Variants in NARS1 observed in about 807,000 individuals in gnomAD.
NARS1 encodes the protein asparagine--tRNA ligase, cytoplasmic.
Under a neutral mutation model 79.2 loss-of-function variants are expected in NARS1, and 65 were observed. That is an observed-to-expected ratio of 0.82 (90% CI 0.67 to 1.01). The LOEUF (loss-of-function observed/expected upper bound fraction) is 1.01, where lower values mean the gene tolerates loss of function less well. Among genes scored for constraint, NARS1 ranks in the 50% least tolerant of loss-of-function variants. The probability of loss-of-function intolerance (pLI) is 0.00; values close to 1 mark genes in which losing one functional copy is unlikely to be tolerated. For missense variants in NARS1, 649 were observed against 673.8 expected (o/e 0.96, Z 0.41); for synonymous variants, 229 against 238.8 (o/e 0.96, Z 0.38).
chr18:57,610,744 G>A (rs1468191998), intron 6 of NARS1, among the ~76,000 whole-genome samples: 7 of 152,022 alleles, frequency 4.6e-5, no homozygotes, highest in Non-Finnish European at 7.4e-5. Flanking sequence ...AGAGGGGGCG[G>A]GTTGCAAAAG....
intron 11 of NARS1, among the ~76,000 whole-genome samples, chr18:57,603,925 T>C (rs2051531805): frequency 1.3e-5 from 2 of 149,462 alleles, no homozygotes; most frequent in Non-Finnish European, 3.0e-5. Context: ...GTATCCACTC[T>C]AGTGTCCTCA....
At chr18:57,602,266 A>G in intron 13 of NARS1, 89 bp downstream of exon 13, 1 of 1,238,834 alleles carries the variant, frequency 8.1e-7, no homozygotes, top group South Asian at 1.4e-5. Context: ...CCAAAGTACT[A>G]CCCTGAATTC....
chr18:57,613,761 TAGTA>T (rs1424443482), intron 4 of NARS1, 81 bp from the exon 5 acceptor site: 1 of 1,154,224 alleles, frequency 8.7e-7, no homozygotes, highest in Non-Finnish European at 1.3e-6. Context: ...AGGCAGACGG[TAGTA>T]AGTGTTAAAA....
At chr18:57,602,975 C>G in intron 11 of NARS1, 32 bp from the exon 12 acceptor site, 1 of 1,612,200 alleles carries the variant, frequency 6.2e-7, no homozygotes. Context: ...TTAACATTTA[C>G]AACTTGGATC....
At chr18:57,615,398 A>C (rs1218128576) in intron 4 of NARS1, among the ~76,000 whole-genome samples, 1 of 152,028 alleles carries the variant, frequency 6.6e-6, no homozygotes, top group Non-Finnish European at 1.5e-5. Context: ...GCTACTCGGG[A>C]GGCTGAGGCA....
At chr18:57,621,597 A>C in intron 1 of NARS1, 111 bp downstream of exon 1, 1 of 765,920 alleles carries the variant, frequency 1.3e-6, no homozygotes. Context: ...GTCCCCAAAC[A>C]TTCGCGGGGC....
chr18:57,621,146 A>ACCAGCT (rs11280782), intron 1 of NARS1, among the ~76,000 whole-genome samples: 14,618 of 152,072 alleles, frequency 0.096, 811 homozygotes, highest in Non-Finnish European at 0.13. Flanking sequence ...GCAAATAAAC[A>ACCAGCT]CCAGCTCCCT....
At chr18:57,618,782 G>A (rs1257591875) in intron 2 of NARS1, among the ~76,000 whole-genome samples, 2 of 152,032 alleles carry the variant, frequency 1.3e-5, no homozygotes, top group African/African-American at 4.8e-5. Context: ...TGCCCCTGTG[G>A]TCCGAGCTAC....
chr18:57,607,037 GGTTT>G lies in NARS1; in HGVS notation c.1001+93_1001+96del. 9 of 1,293,674 alleles carry G rather than the reference GGTTT, an allele frequency of 7.0e-6. No homozygotes were observed. In the South Asian group the frequency reaches 1.3e-4, roughly 19 times the overall value. 80.1% of individuals were successfully genotyped at this position (1,293,674 alleles called of 1,614,324 possible). On this transcript the variant is annotated intron_variant, in intron 9 of 13. Coordinates refer to ENST00000256854, the MANE Select transcript of NARS1 (RefSeq NM_004539.4). ...CCATTAACCACTTAATATATCAGTT[GGTTT>G]TTTTTAAAACATAAACATAATTTAC...
chr18:57,618,780 T>A lies in NARS1; in HGVS notation c.93+1789A>T, dbSNP rs145277419. Among the ~76,000 whole-genome samples the A allele has an allele frequency of 9.9e-3, 1,512 of 152,122 alleles. 24 individuals are homozygous for A. The highest frequency in any genetic ancestry group is 0.034 in the African/African-American group (1,424 of 41,476). On this transcript the variant is annotated intron_variant, in intron 2 of 13. Transcript: ENST00000256854. ...AACCGCGTGTGGTGACATGCCCCTG[T>A]GGTCCGAGCTACTTGGAAGGCTGAG...
intron 2 of NARS1, among the ~76,000 whole-genome samples, chr18:57,619,862 G>GT (rs1308131222): frequency 2.0e-5 from 3 of 151,792 alleles, no homozygotes. Context: ...TAATTTTTAT[G>GT]TTTTTTGTAG....
In NARS1 at chr18:57,606,633, C is replaced by T; in HGVS notation, c.1120G>A (p.Val374Met). Residue 374 changes from valine (V) to methionine (M), a missense_variant, in exon 10 of 14, where the codon GTG becomes ATG. Val to Met is a conservative substitution (Grantham distance 21). Coordinates refer to ENST00000256854, the MANE Select transcript of NARS1 (RefSeq NM_004539.4). Reference protein sequence around the residue: ...RILKSPAGSIVHELNPNFQPP... With the variant: ...RILKSPAGSIMHELNPNFQPP... ...GCACCTACCGGGTTGAGCTCATGCA[C>T]TATGCTCCCTGCAGGTGACTTCAAT... is the stretch of plus-strand genomic sequence containing the variant. 2 of 1,614,106 alleles carry T rather than the reference C, an allele frequency of 1.2e-6. No individual in the cohort carries two copies. Among genetic ancestry groups the T allele is most frequent in the Non-Finnish European group, 1.7e-6 (2 of 1,179,988 alleles).
intron 5 of NARS1, among the ~76,000 whole-genome samples, chr18:57,612,187 A>G (rs2051609516): frequency 6.6e-6 from 1 of 152,186 alleles, no homozygotes; most frequent in African/African-American, 2.4e-5. Flanking sequence ...TTTATTTTCA[A>G]TGTATTGGAC....
Position 57,604,279 on chromosome 18 carries a change from C to T in NARS1, c.1252-1336G>A, listed in dbSNP as rs78840341. ...ATAAACTGAATTCATAGGCTGGGCA[C>T]AGTGTGGCTCATGCCTATAATCTCA... On this transcript the variant is annotated intron_variant, in intron 11 of 13. Coordinates refer to ENST00000256854, the MANE Select transcript of NARS1 (RefSeq NM_004539.4). 8.9e-3 allele frequency among the ~76,000 whole-genome samples: 1,354 copies of T among 152,180 alleles called. 23 individuals are homozygous for T. The highest frequency in any genetic ancestry group is 0.03 in the African/African-American group (1,233 of 41,512).
Position 57,615,653 on chromosome 18 carries a change from T to C in NARS1, c.330A>G (p.Pro110=), listed in dbSNP as rs1378136498. Residue 110 remains proline (P), a synonymous_variant, in exon 4 of 14, where the codon CCA becomes CCG. Transcript: ENST00000256854. ...TAAACAAACTTACACATTTTGGCTC[T>C]GGGAGACTTGGATCATTTTTAATGG... ...KITIKNDPSL[P]EPKCVKIGAL... 6.2e-7 allele frequency: 1 copy of C among 1,610,724 alleles called. No individual in the cohort carries two copies. Among genetic ancestry groups the C allele is most frequent in the Non-Finnish European group, 8.5e-7 (1 of 1,177,640 alleles).
At position 57,620,762 on chromosome 18, in the gene NARS1, T is replaced by C. The variant is rs1599042691; in HGVS notation, c.11-111A>G. On this transcript the variant is annotated intron_variant, in intron 1 of 13. Transcript: ENST00000256854. ...CAGAACAAGCATCGATTAATAAAAA[T>C]TGAGGTCCATAAGTAATTAATATCC... is the stretch of plus-strand genomic sequence containing the variant. 5 of 588,956 alleles carry C rather than the reference T, an allele frequency of 8.5e-6. No individual in the cohort carries two copies. The East Asian group carries it at 1.4e-4, about 17-fold the overall frequency. The allele number at this position is 588,956 out of a possible 1,614,324, so 36.5% of individuals were successfully genotyped here. A position where few individuals can be genotyped will look rare whatever the true frequency, so the allele number is the denominator to read the frequency against.
At chr18:57,608,956 T>G (rs2051583532) in intron 7 of NARS1, among the ~76,000 whole-genome samples, 1 of 152,206 alleles carries the variant, frequency 6.6e-6, no homozygotes, top group South Asian at 2.1e-4. Context: ...TTCATCTTCC[T>G]CCGGTGCTGG....
rs2051505843 is a variant in NARS1, at chr18:57,601,541, A to G, written c.*111T>C. On this transcript the variant is annotated 3_prime_UTR_variant, in exon 14 of 14. Coordinates refer to ENST00000256854, the MANE Select transcript of NARS1 (RefSeq NM_004539.4). Reference sequence around the variant, plus strand: ...TTTTTATGGTAGTAGAAAGAAAAACAGAAAGAGAAACCCCAATGAAACAAA... The same window carrying G: ...TTTTTATGGTAGTAGAAAGAAAAACGGAAAGAGAAACCCCAATGAAACAAA... 8.9e-7 allele frequency: 1 copy of G among 1,125,240 alleles called. No homozygotes were observed. The highest frequency in any genetic ancestry group is 1.2e-6 in the Non-Finnish European group (1 of 822,566). The allele number at this position is 1,125,240 out of a possible 1,614,324, so 69.7% of individuals were successfully genotyped here.
At chr18:57,609,311 A>G (rs757529494) in intron 7 of NARS1, 46 bp downstream of exon 7, 1 of 1,469,240 alleles carries the variant, frequency 6.8e-7, no homozygotes, top group Non-Finnish European at 9.5e-7. Flanking sequence ...AAACAAACCA[A>G]TAAATAAACT....
Sources: gnomAD v4.1 joint callset for allele counts (sites outside exome capture counted in the v4.1 genomes callset) on GRCh38, gnomAD v4.1.1 for gene constraint, MANE v1.5 for transcripts, NCBI Gene and HGNC (gene_info 2026-07-23, HGNC 2026-07-21) for gene names.